Variants in MGMT observed in about 807,000 individuals in gnomAD.
The protein encoded by MGMT is O-6-methylguanine-DNA methyltransferase.
MGMT carries 14 observed loss-of-function variants against 15.9 expected under a neutral mutation model. That is an observed-to-expected ratio of 0.88 (90% CI 0.58 to 1.37). MGMT has a LOEUF of 1.37. MGMT is among the 40% of genes most tolerant of loss of function. The pLI is 0.00. For missense variants in MGMT, 282 were observed against 268.1 expected, an observed-to-expected ratio of 1.05 and a Z score of -0.36; for synonymous variants, 130 against 118.2, an observed-to-expected ratio of 1.10 and a Z score of -0.65.
intron 2 of MGMT, among the ~76,000 whole-genome samples, chr10:129,603,788 T>C (rs1846853001): frequency 6.6e-6 from 1 of 152,224 alleles, no homozygotes; most frequent in African/African-American, 2.4e-5. Context: ...AATAAAACTT[T>C]CTTTTATTTA....
chr10:129,522,850 C>A (rs958698239), intron 1 of MGMT, among the ~76,000 whole-genome samples: 2 of 152,164 alleles, frequency 1.3e-5, no homozygotes, highest in African/African-American at 4.8e-5. Flanking sequence ...CTGCTCGGGG[C>A]AGGAATTGGT....
intron 2 of MGMT, among the ~76,000 whole-genome samples, chr10:129,669,548 G>A (rs562896119): frequency 5.3e-5 from 8 of 151,976 alleles, no homozygotes; most frequent in Admixed American, 2.6e-4. Context: ...AATTCTTCTC[G>A]ACATTTTTCT....
intron 2 of MGMT, among the ~76,000 whole-genome samples, chr10:129,591,659 C>T (rs372896461): frequency 3.9e-4 from 59 of 152,324 alleles, no homozygotes; most frequent in African/African-American, 1.3e-3. Flanking sequence ...TGGCCGGACG[C>T]GGTGGCTCAC....
intron 1 of MGMT, 57 bp downstream of exon 1, chr10:129,467,353 T>C: frequency 6.7e-7 from 1 of 1,490,420 alleles, no homozygotes; most frequent in Non-Finnish European, 9.0e-7. Context: ...CTCGGGACGG[T>C]GGCAGCCTCG....
chr10:129,581,768 T>C (rs973396844), intron 2 of MGMT, among the ~76,000 whole-genome samples: 11 of 152,274 alleles, frequency 7.2e-5, no homozygotes, highest in Admixed American at 3.3e-4. Flanking sequence ...CAAGTGTGAG[T>C]TAGGTGTGGG....
intron 2 of MGMT, among the ~76,000 whole-genome samples, chr10:129,555,532 T>C (rs1846203341): frequency 6.6e-6 from 1 of 151,516 alleles, no homozygotes; most frequent in Non-Finnish European, 1.5e-5. Flanking sequence ...GCAACATAGA[T>C]TCTGTCTCTA....
At chr10:129,728,031 T>C (rs1165811740) in intron 3 of MGMT, among the ~76,000 whole-genome samples, 1 of 152,082 alleles carries the variant, frequency 6.6e-6, no homozygotes, top group Admixed American at 6.5e-5. Context: ...CCATCAGGTC[T>C]CACTGGGGGA....
rs1340054324 is a variant in MGMT, at chr10:129,533,598, CTGTTGT to C, written c.-12-2642_-12-2637del. On this transcript the variant is annotated intron_variant, in intron 1 of 4. Transcript: ENST00000651593. The surrounding 1 kb of genome is among the most constrained non-coding windows in gnomAD (Gnocchi z 4.5). ...GATTTCTCACGTTGCCTCTAGAGCC[CTGTTGT>C]CTGACCAGTATCTTCTGTGAACATA... Among the ~76,000 whole-genome samples, 11 of 152,208 alleles carry C rather than the reference CTGTTGT, an allele frequency of 7.2e-5. No homozygotes were observed. Among genetic ancestry groups the C allele is most frequent in the African/African-American group, 2.7e-4 (11 of 41,462 alleles).
At chr10:129,744,450 G>A (rs1290258756) in intron 3 of MGMT, among the ~76,000 whole-genome samples, 1 of 152,236 alleles carries the variant, frequency 6.6e-6, no homozygotes, top group Non-Finnish European at 1.5e-5. Flanking sequence ...GTCAGGGGCT[G>A]TTCCTTCTGC....
At chr10:129,666,886 A>C (rs1686692815) in intron 2 of MGMT, among the ~76,000 whole-genome samples, 2 of 152,172 alleles carry the variant, frequency 1.3e-5, no homozygotes, top group African/African-American at 4.8e-5. Context: ...TGATTGCTGG[A>C]AGTTCTTGGC....
intron 2 of MGMT, among the ~76,000 whole-genome samples, chr10:129,569,277 C>T (rs535621203): frequency 6.6e-5 from 10 of 150,748 alleles, no homozygotes; most frequent in African/African-American, 9.7e-5. Context: ...TTTCTGAGGT[C>T]GTGGTGGGGG....
chr10:129,650,495 G>A (rs568671262), intron 2 of MGMT, among the ~76,000 whole-genome samples: 60 of 152,254 alleles, frequency 3.9e-4, no homozygotes, highest in African/African-American at 1.3e-3. Flanking sequence ...CGAAGGTGCC[G>A]GTACGTGATT....
rs74604548 is a variant in MGMT, at chr10:129,607,925, G to A, written c.125+71548G>A. 3.4e-3 allele frequency among the ~76,000 whole-genome samples: 517 copies of A among 152,310 alleles called. 3 individuals are homozygous for A. The highest frequency in any genetic ancestry group is 0.012 in the African/African-American group (489 of 41,576). On this transcript the variant is annotated intron_variant, in intron 2 of 4. Coordinates refer to ENST00000651593, the MANE Select transcript of MGMT (RefSeq NM_002412.5). ...GGTTAGCCACCTGCCCCCTCGTACCGTGTTTCACATGCGAGGTTGCCAAAT... is the reference window on the plus strand; with the variant it reads ...GGTTAGCCACCTGCCCCCTCGTACCATGTTTCACATGCGAGGTTGCCAAAT...
At chr10:129,765,061 T>C (rs1318400486) in intron 4 of MGMT, among the ~76,000 whole-genome samples, 1 of 152,112 alleles carries the variant, frequency 6.6e-6, no homozygotes, top group Non-Finnish European at 1.5e-5. Context: ...CTGGCTCCTG[T>C]GGTCATGCTC....
intron 2 of MGMT, among the ~76,000 whole-genome samples, chr10:129,541,963 A>T (rs574405108): frequency 6.6e-6 from 1 of 152,238 alleles, no homozygotes; most frequent in East Asian, 1.9e-4. Flanking sequence ...GGCTGGACAG[A>T]TAGGGCCTTC....
chr10:129,709,781 G>GCT (rs1354837865), intron 3 of MGMT, among the ~76,000 whole-genome samples: 10 of 152,216 alleles, frequency 6.6e-5, no homozygotes, highest in African/African-American at 2.4e-4. Context: ...TGGCCATGGA[G>GCT]CTAGACCCTG....
At chr10:129,586,719 T>C (rs1846622454) in intron 2 of MGMT, among the ~76,000 whole-genome samples, 1 of 152,236 alleles carries the variant, frequency 6.6e-6, no homozygotes, top group South Asian at 2.1e-4. Flanking sequence ...GGTAAGGACG[T>C]ATGCTTCTAA....
At chr10:129,660,068 C>G (rs1216238655) in intron 2 of MGMT, among the ~76,000 whole-genome samples, 1 of 152,172 alleles carries the variant, frequency 6.6e-6, no homozygotes. Flanking sequence ...ACTGCCAATT[C>G]CAACAGCCAT....
At position 129,612,421 on chromosome 10, in the gene MGMT, G is replaced by A. The variant is rs796841697; in HGVS notation, c.125+76044G>A. Among the ~76,000 whole-genome samples the A allele has an allele frequency of 2.0e-4, 31 of 152,328 alleles. 1 individual carries two copies. The highest frequency in any genetic ancestry group is 4.8e-4 in the African/African-American group (20 of 41,580). On this transcript the variant is annotated intron_variant, in intron 2 of 4. Coordinates refer to ENST00000651593, the MANE Select transcript of MGMT (RefSeq NM_002412.5). Reference sequence around the variant, plus strand: ...TACATTTTGAAAGAGCCCTGGCTGCGGAGGAAGTCCATTTGATGGTTGGGG... The same window carrying A: ...TACATTTTGAAAGAGCCCTGGCTGCAGAGGAAGTCCATTTGATGGTTGGGG...
Sources: allele counts gnomAD v4.1 joint callset (sites outside exome capture counted in the v4.1 genomes callset), GRCh38; gene constraint gnomAD v4.1.1; non-coding constraint Gnocchi (gnomAD v3.1); transcripts MANE v1.5; gene names NCBI Gene and HGNC (gene_info 2026-07-23, HGNC 2026-07-21).